DCDC1: variants seen among roughly 807,000 people sequenced by gnomAD.
The protein encoded by DCDC1 is doublecortin domain-containing protein 1.
In DCDC1, 200 loss-of-function variants were observed where a neutral mutation model predicts 178.3. The ratio of observed to expected loss-of-function variants is 1.12; its 90% confidence interval spans 1.00 to 1.26. The LOEUF is 1.26. Ranked by LOEUF, DCDC1 falls within the 50% of genes most tolerant of loss-of-function variation. The pLI, the probability that DCDC1 is intolerant of heterozygous loss-of-function variation, is 0.00. For missense variants in DCDC1, 1,983 were observed against 1,749.2 expected (o/e 1.13, Z -2.38); for synonymous variants, 690 against 604.8 (o/e 1.14, Z -2.07).
At chr11:30,948,407 A>T (rs570744845) in intron 21 of DCDC1, among the ~76,000 whole-genome samples, 2 of 152,306 alleles carry the variant, frequency 1.3e-5, no homozygotes, top group South Asian at 4.1e-4. Context: ...AAGAATCAAA[A>T]TCGTGAAAAT....
intron 17 of DCDC1, among the ~76,000 whole-genome samples, chr11:31,078,234 CA>C (rs11348913): frequency 0.53 from 80,859 of 151,602 alleles, 22,636 homozygotes; most frequent in African/African-American, 0.72. Flanking sequence ...GTTCTGCCTG[CA>C]AAAAAAGATC....
chr11:31,293,994 G>A (rs888351706), intron 6 of DCDC1, among the ~76,000 whole-genome samples: 5 of 152,114 alleles, frequency 3.3e-5, no homozygotes, highest in African/African-American at 1.2e-4. Context: ...CTCTCTCGGC[G>A]AGACCTTGAA....
chr11:31,157,512 G>A (rs1433082010), intron 9 of DCDC1, among the ~76,000 whole-genome samples: 1 of 151,258 alleles, frequency 6.6e-6, no homozygotes, highest in Middle Eastern at 3.2e-3. Flanking sequence ...TCAGGCCTAA[G>A]GGAAGAAAAT....
intron 8 of DCDC1, among the ~76,000 whole-genome samples, chr11:31,250,038 C>T (rs1330714): frequency 0.26 from 39,794 of 151,488 alleles, 5,380 homozygotes; most frequent in African/African-American, 0.32. Context: ...TTTCCTACAC[C>T]AACATATAAA....
intron 18 of DCDC1, 35 bp downstream of exon 18, chr11:31,077,830 T>C (rs757176017): frequency 2.6e-6 from 2 of 762,226 alleles, no homozygotes; most frequent in African/African-American, 3.4e-5. Flanking sequence ...ATAGAAAAAC[T>C]TAGGCATAAA....
At position 30,920,764 on chromosome 11, in the gene DCDC1, C is replaced by T; in HGVS notation, c.3293+12G>A. 4.3e-6 allele frequency: 7 copies of T among 1,612,720 alleles called. No individual in the cohort carries two copies. In the South Asian group the frequency reaches 7.7e-5, roughly 18 times the overall value. ...CAGCCAGGTAGCTTTTCAGGCTACA[C>T]TGATTACTTACAGAATTTCACTGGA... is the stretch of plus-strand genomic sequence containing the variant. On this transcript the variant is annotated intron_variant, in intron 25 of 38. Coordinates refer to ENST00000684477, the MANE Select transcript of DCDC1 (RefSeq NM_001387274.1).
chr11:31,180,529 A>G (rs1268325355), intron 9 of DCDC1, among the ~76,000 whole-genome samples: 1 of 152,096 alleles, frequency 6.6e-6, no homozygotes, highest in Non-Finnish European at 1.5e-5. Context: ...CGGGTTAGAC[A>G]GTGGGAGCAG....
chr11:30,936,980 C>T (rs1947316299), intron 21 of DCDC1, among the ~76,000 whole-genome samples: 1 of 152,090 alleles, frequency 6.6e-6, no homozygotes, highest in South Asian at 2.1e-4. Context: ...TTTAACCCTC[C>T]CCTGTTGCCT....
At chr11:30,872,774 C>T (rs912753146) in intron 38 of DCDC1, among the ~76,000 whole-genome samples, 6 of 152,076 alleles carry the variant, frequency 3.9e-5, no homozygotes, top group Non-Finnish European at 8.8e-5. Context: ...CCCCTACCTC[C>T]CCTCCAGTAA....
intron 20 of DCDC1, among the ~76,000 whole-genome samples, chr11:30,953,667 A>T (rs163869): frequency 0.022 from 3,308 of 152,262 alleles, 128 homozygotes; most frequent in African/African-American, 0.076. Context: ...AGTGTTTTTC[A>T]GTTTGGCAGT....
At chr11:31,014,024 T>C (rs561399916) in intron 20 of DCDC1, among the ~76,000 whole-genome samples, 7 of 152,342 alleles carry the variant, frequency 4.6e-5, no homozygotes, top group South Asian at 4.1e-4. Flanking sequence ...CTAGACTGAA[T>C]TGTGGCACTT....
chr11:30,898,490 G>A (rs1010581613), intron 34 of DCDC1, among the ~76,000 whole-genome samples: 32 of 152,182 alleles, frequency 2.1e-4, no homozygotes, highest in African/African-American at 7.7e-4. Context: ...GAAGGTGAGA[G>A]AGAGGGAGAT....
rs1204871302 is a variant in DCDC1 at position 31,357,991 on chromosome 11, C to T, written c.-125+11706G>A. Reference sequence around the variant, plus strand: ...TGCTCATGGGTAGGAAGAATCAATACCGTGAAAATGGCCATACTGCCCAAG... The same window carrying T: ...TGCTCATGGGTAGGAAGAATCAATATCGTGAAAATGGCCATACTGCCCAAG... On this transcript the variant is annotated intron_variant, in intron 1 of 38. Coordinates refer to ENST00000684477, the MANE Select transcript of DCDC1 (RefSeq NM_001387274.1). Among the ~76,000 whole-genome samples the T allele has an allele frequency of 3.0e-4, 46 of 152,044 alleles. 1 individual carries two copies. The highest frequency in any genetic ancestry group is 1.2e-3 in the East Asian group (6 of 5,182).
At chr11:31,124,689 T>G (rs963566892) in intron 11 of DCDC1, among the ~76,000 whole-genome samples, 1 of 152,122 alleles carries the variant, frequency 6.6e-6, no homozygotes, top group African/African-American at 2.4e-5. Context: ...GGGGAAAAGA[T>G]TCCCTATTCA....
intron 7 of DCDC1, among the ~76,000 whole-genome samples, chr11:31,273,818 C>T (rs574973301): frequency 6.6e-6 from 1 of 152,250 alleles, no homozygotes; most frequent in South Asian, 2.1e-4. Flanking sequence ...CTTACAGTTC[C>T]ACATGGCTGG....
intron 29 of DCDC1, among the ~76,000 whole-genome samples, chr11:30,907,012 CA>C (rs1283100043): frequency 6.6e-6 from 1 of 152,020 alleles, no homozygotes; most frequent in Non-Finnish European, 1.5e-5. Context: ...AAGAAATATA[CA>C]AGACAATCAA....
In DCDC1 at chr11:31,037,428, C is replaced by CTTTTTTTTTTTTTTTTTT. The variant is rs869310230; in HGVS notation, c.2591+27040_2591+27041insAAAAAAAAAAAAAAAAAA. 4.5e-5 allele frequency among the ~76,000 whole-genome samples: 2 copies of CTTTTTTTTTTTTTTTTTT among 44,876 alleles called. 1 individual carries two copies. The highest frequency in any genetic ancestry group is 8.4e-5 in the Non-Finnish European group (2 of 23,912). The allele number at this position is 44,876 out of a possible 152,430, so 29.4% of individuals were successfully genotyped here. ...AAAATTGGCCTGCCTCTAAATATTT[C>CTTTTTTTTTTTTTTTTTT]TTTCTTTTTTTTTTTTTTTTTTGAG... On this transcript the variant is annotated intron_variant, in intron 20 of 38. Coordinates refer to ENST00000684477, the MANE Select transcript of DCDC1 (RefSeq NM_001387274.1).
intron 9 of DCDC1, among the ~76,000 whole-genome samples, chr11:31,155,308 T>A (rs961136433): frequency 6.6e-6 from 1 of 152,202 alleles, no homozygotes; most frequent in Non-Finnish European, 1.5e-5. Flanking sequence ...AGAGGAGAGA[T>A]AATTTCTTGA....
At chr11:31,281,506 T>A (rs1946428643) in intron 7 of DCDC1, among the ~76,000 whole-genome samples, 1 of 152,138 alleles carries the variant, frequency 6.6e-6, no homozygotes, top group South Asian at 2.1e-4. Flanking sequence ...CAATACCTAC[T>A]GAAATGAGCA....
Sources: gnomAD v4.1 joint callset for allele counts (sites outside exome capture counted in the v4.1 genomes callset) on GRCh38, gnomAD v4.1.1 for gene constraint, MANE v1.5 for transcripts, NCBI Gene and HGNC (gene_info 2026-07-23, HGNC 2026-07-21) for gene names.